The following HS1BP3 variants were observed in gnomAD, a reference collection of about 807,000 sequenced individuals.
HS1BP3 encodes the protein HCLS1-binding protein 3.
In HS1BP3, 32 loss-of-function variants were observed where a neutral mutation model predicts 33.5. The ratio of observed to expected loss-of-function variants is 0.95; its 90% CI spans 0.72 to 1.28. The LOEUF (loss-of-function observed/expected upper bound fraction) is 1.28. Among genes scored for constraint, HS1BP3 ranks in the 50% most tolerant of loss-of-function variants. The pLI, the probability that HS1BP3 is intolerant of heterozygous loss-of-function variation, is 0.00. For synonymous variants in HS1BP3, 187 were observed against 209.2 expected (o/e 0.89, Z 0.92); for missense variants, 486 against 502.3 (o/e 0.97, Z 0.31).
intron 4 of HS1BP3, among the ~76,000 whole-genome samples, chr2:20,629,073 A>C (rs1694887699): frequency 1.3e-5 from 2 of 152,196 alleles, no homozygotes; most frequent in African/African-American, 4.8e-5. Context: ...GTGCTTATAC[A>C]TCTGGACAGT....
intron 2 of HS1BP3, among the ~76,000 whole-genome samples, chr2:20,605,547 G>A (rs1186400904): frequency 7.2e-5 from 11 of 151,756 alleles, no homozygotes; most frequent in South Asian, 2.1e-4. Context: ...ATCGACTTCC[G>A]GAATATGTCA....
intron 2 of HS1BP3, among the ~76,000 whole-genome samples, chr2:20,604,511 G>A (rs933488468): frequency 2.0e-5 from 3 of 152,196 alleles, no homozygotes; most frequent in African/African-American, 7.2e-5. Context: ...ATTCTCTGGA[G>A]GATTCCAGGA....
intron 2 of HS1BP3, among the ~76,000 whole-genome samples, chr2:20,608,313 G>A (rs1694242937): frequency 2.0e-5 from 3 of 151,970 alleles, no homozygotes; most frequent in Non-Finnish European, 4.4e-5. Context: ...GGTGGCTCAT[G>A]CCTGTAATCC....
intron 2 of HS1BP3, among the ~76,000 whole-genome samples, chr2:20,612,774 C>A (rs915474462): frequency 1.6e-4 from 25 of 152,182 alleles, no homozygotes; most frequent in African/African-American, 5.8e-4. Context: ...CTATGAACAT[C>A]TGTGTACAAG....
At chr2:20,557,394 C>T (rs1692865921), downstream of HS1BP3, among the ~76,000 whole-genome samples, 1 of 152,214 alleles carries the variant, frequency 6.6e-6, no homozygotes, top group Non-Finnish European at 1.5e-5. Flanking sequence ...GCTTGACCCT[C>T]TATGGAGACT....
intron 5 of HS1BP3, among the ~76,000 whole-genome samples, chr2:20,579,315 C>T (rs1693476274): frequency 6.6e-6 from 1 of 152,262 alleles, no homozygotes; most frequent in African/African-American, 2.4e-5. Flanking sequence ...TGTCTCAAGG[C>T]CAGAGCATCC....
At chr2:20,567,013 G>T (rs2149271126) in intron 5 of HS1BP3, among the ~76,000 whole-genome samples, 1 of 152,242 alleles carries the variant, frequency 6.6e-6, no homozygotes, top group South Asian at 2.1e-4. Context: ...CCCCCTCTCA[G>T]AATCTCCTGA....
intron 2 of HS1BP3, among the ~76,000 whole-genome samples, chr2:20,609,714 A>G (rs1694276151): frequency 6.6e-6 from 1 of 152,220 alleles, no homozygotes; most frequent in Non-Finnish European, 1.5e-5. Flanking sequence ...ACAGAGGAGG[A>G]GAGAGATGCT....
downstream of HS1BP3, among the ~76,000 whole-genome samples, chr2:20,590,357 G>C (rs913491877): frequency 6.6e-6 from 1 of 152,190 alleles, no homozygotes; most frequent in East Asian, 1.9e-4. Context: ...GGCATCCTCT[G>C]TTTGTTCTTT....
chr2:20,572,390 G>C (rs915908319), intron 5 of HS1BP3, among the ~76,000 whole-genome samples: 2 of 152,198 alleles, frequency 1.3e-5, no homozygotes, highest in African/African-American at 4.8e-5. Context: ...GTAGCCCCAG[G>C]ACTCTGGAGT....
intron 2 of HS1BP3, among the ~76,000 whole-genome samples, chr2:20,610,759 A>C (rs1397048185): frequency 6.6e-6 from 1 of 152,232 alleles, no homozygotes; most frequent in African/African-American, 2.4e-5. Flanking sequence ...CAAATGCTGG[A>C]GAGTATGGTA....
chr2:20,596,062 G>A (rs1261635714), intron 3 of HS1BP3, among the ~76,000 whole-genome samples: 3 of 152,038 alleles, frequency 2.0e-5, no homozygotes, highest in Non-Finnish European at 4.4e-5. Flanking sequence ...ATCAAACCTA[G>A]GGCTCCTTAG....
the HS1BP3 span, among the ~76,000 whole-genome samples, chr2:20,554,192 G>T: frequency 6.6e-6 from 1 of 152,012 alleles, no homozygotes; most frequent in East Asian, 1.9e-4. Flanking sequence ...AAGGCTGTTC[G>T]TCATACAACA....
At chr2:20,637,131 AG>A (rs1695162093) in intron 4 of HS1BP3, 1 of 150,744 alleles carries the variant, frequency 6.6e-6, no homozygotes, top group Admixed American at 6.7e-5. Context: ...AGCACTTGCC[AG>A]CCACAAAGAA....
chr2:20,589,517 T>C (rs1047207028), downstream of HS1BP3, among the ~76,000 whole-genome samples: 2 of 152,218 alleles, frequency 1.3e-5, no homozygotes, highest in Non-Finnish European at 2.9e-5. Context: ...TGGTTGACTC[T>C]GAAAAATCGA....
chr2:20,650,963 C>T, intron 1 of HS1BP3, 69 bp downstream of exon 1: 1 of 1,204,612 alleles, frequency 8.3e-7, no homozygotes. Context: ...CGGCGGCCTC[C>T]CCCCGCCTCT....
At chr2:20,599,311 C>T (rs987817101) in intron 2 of HS1BP3, among the ~76,000 whole-genome samples, 1 of 152,240 alleles carries the variant, frequency 6.6e-6, no homozygotes, top group Non-Finnish European at 1.5e-5. Context: ...CAGGGAAGTA[C>T]ATCCCATGTT....
intron 3 of HS1BP3, among the ~76,000 whole-genome samples, chr2:20,595,656 G>T (rs777701641): frequency 5.9e-5 from 9 of 152,222 alleles, no homozygotes; most frequent in Non-Finnish European, 8.8e-5. Flanking sequence ...TTCTTCCCTA[G>T]GTCTATCTTT....
chr2:20,644,989 C>T (rs950659058), intron 2 of HS1BP3, among the ~76,000 whole-genome samples: 2 of 152,190 alleles, frequency 1.3e-5, no homozygotes, highest in African/African-American at 4.8e-5. Context: ...CCCTTCTCAC[C>T]TCTCCTGCTG....
Sources: allele counts gnomAD v4.1 joint callset (sites outside exome capture counted in the v4.1 genomes callset), GRCh38; gene constraint gnomAD v4.1.1; transcripts MANE v1.5; gene names NCBI Gene and HGNC (gene_info 2026-07-23, HGNC 2026-07-21).